Variants in CCSER1 observed in about 807,000 individuals in gnomAD.
The protein encoded by CCSER1 is serine-rich coiled-coil domain-containing protein 1.
A neutral mutation model predicts 82.0 loss-of-function variants in CCSER1; 41 were observed. The observed-to-expected ratio is 0.50, with a 90% CI of 0.39 to 0.65. The LOEUF (loss-of-function observed/expected upper bound fraction) is 0.65. Ranked by LOEUF, CCSER1 falls within the 30% of genes least tolerant of loss-of-function variation. The probability of loss-of-function intolerance (pLI) is 0.00; values close to 1 mark genes in which losing one functional copy is unlikely to be tolerated. For missense variants in CCSER1, 1,119 were observed against 1,064.2 expected (o/e 1.05, Z -0.72); for synonymous variants, 414 against 383.9 (o/e 1.08, Z -0.92).
At chr4:90,137,556 A>G (rs1264548335) in intron 1 of CCSER1, among the ~76,000 whole-genome samples, 1 of 152,192 alleles carries the variant, frequency 6.6e-6, no homozygotes, top group Non-Finnish European at 1.5e-5. Flanking sequence ...GGACGGTGAT[A>G]TAGAAAGTAC....
chr4:91,572,502 G>C (rs76063570), intron 10 of CCSER1, among the ~76,000 whole-genome samples: 10,537 of 152,200 alleles, frequency 0.069, 549 homozygotes, highest in South Asian at 0.16. Flanking sequence ...GGCTGGAACA[G>C]TGATGTCAGG....
chr4:91,234,852 A>T (rs1240194223), intron 10 of CCSER1, among the ~76,000 whole-genome samples: 1 of 152,088 alleles, frequency 6.6e-6, no homozygotes, highest in African/African-American at 2.4e-5. Flanking sequence ...TTTAGCACAC[A>T]TCTTTAGAAA....
intron 9 of CCSER1, among the ~76,000 whole-genome samples, chr4:91,032,117 T>C (rs1741035342): frequency 6.6e-6 from 1 of 152,098 alleles, no homozygotes; most frequent in Non-Finnish European, 1.5e-5. Flanking sequence ...AAAAATGTGC[T>C]TTTTTGCATA....
chr4:91,550,459 G>A (rs1050014385), intron 10 of CCSER1, among the ~76,000 whole-genome samples: 1 of 152,136 alleles, frequency 6.6e-6, no homozygotes, highest in Admixed American at 6.6e-5. Context: ...CTCTGTATCT[G>A]CCTATCTGTC....
At chr4:90,909,115 G>A (rs1266044644) in intron 8 of CCSER1, among the ~76,000 whole-genome samples, 2 of 123,220 alleles carry the variant, frequency 1.6e-5, no homozygotes, top group East Asian at 2.4e-4. Flanking sequence ...GCTTGTAGAT[G>A]GATCTACACT....
At chr4:90,278,338 G>C (rs1017596646) in intron 1 of CCSER1, among the ~76,000 whole-genome samples, 1 of 151,988 alleles carries the variant, frequency 6.6e-6, no homozygotes, top group African/African-American at 2.4e-5. Context: ...TATATACTTA[G>C]AGAAAAATAA....
chr4:90,724,131 T>A, intron 7 of CCSER1, 140 bp downstream of exon 7: 1 of 530,498 alleles, frequency 1.9e-6, no homozygotes, highest in Non-Finnish European at 3.4e-6. Context: ...ATCGTTTTTT[T>A]GTGTGTTCCA....
intron 5 of CCSER1, among the ~76,000 whole-genome samples, chr4:90,551,678 T>TTCTCTCTCTCTCTCTCTCTC (rs71596530): frequency 1.1e-4 from 10 of 88,566 alleles, no homozygotes; most frequent in African/African-American, 3.4e-4. Context: ...AAAAATATAA[T>TTCTCTCTCTCTCTCTCTCTC]TCTCTCTCTC....
rs547610964 is a variant in CCSER1 at position 90,194,552 on chromosome 4, C to G, written c.-42+66721C>G. On this transcript the variant is annotated intron_variant, in intron 1 of 10. Coordinates refer to ENST00000509176, the MANE Select transcript of CCSER1 (RefSeq NM_001145065.2). ...TTAATTATATTAGAACATTTAAAGT[C>G]TGAATATTGGAAAATAACTTTGTAC... Among the ~76,000 whole-genome samples the G allele has an allele frequency of 2.0e-4, 31 of 151,988 alleles. No homozygotes were observed. In the South Asian group the frequency reaches 6.4e-3, roughly 32 times the overall value.
intron 5 of CCSER1, among the ~76,000 whole-genome samples, chr4:90,481,018 T>C (rs1347762534): frequency 3.3e-5 from 5 of 152,230 alleles, no homozygotes; most frequent in African/African-American, 1.2e-4. Context: ...GAGTATGGAA[T>C]GTTCTTCCAT....
At chr4:91,535,075 A>C (rs943287167) in intron 10 of CCSER1, among the ~76,000 whole-genome samples, 6 of 151,956 alleles carry the variant, frequency 3.9e-5, no homozygotes, top group Admixed American at 2.6e-4. Flanking sequence ...TTAAGTGAAC[A>C]ATAAATATTT....
At chr4:91,439,167 G>A (rs1267149317) in intron 10 of CCSER1, among the ~76,000 whole-genome samples, 1 of 152,068 alleles carries the variant, frequency 6.6e-6, no homozygotes, top group Non-Finnish European at 1.5e-5. Flanking sequence ...GCAACTCCAA[G>A]ACACATAATT....
At chr4:90,411,834 C>T (rs1164984374) in intron 4 of CCSER1, among the ~76,000 whole-genome samples, 4 of 152,234 alleles carry the variant, frequency 2.6e-5, no homozygotes, top group Middle Eastern at 3.4e-3. Flanking sequence ...GTCAAATTGT[C>T]CCTGTTTGCA....
At chr4:90,649,273 T>C (rs1177131069) in intron 6 of CCSER1, among the ~76,000 whole-genome samples, 1 of 152,116 alleles carries the variant, frequency 6.6e-6, no homozygotes, top group African/African-American at 2.4e-5. Flanking sequence ...AATGGGAAGC[T>C]AAGAAGAGAG....
intron 8 of CCSER1, among the ~76,000 whole-genome samples, chr4:90,824,834 G>C (rs1179744401): frequency 6.6e-6 from 1 of 152,094 alleles, no homozygotes; most frequent in Non-Finnish European, 1.5e-5. Context: ...AAAAGTAATA[G>C]ATTAGGTATA....
intron 5 of CCSER1, among the ~76,000 whole-genome samples, chr4:90,520,640 AG>A: frequency 6.6e-6 from 1 of 152,352 alleles, no homozygotes; most frequent in Non-Finnish European, 1.5e-5. Flanking sequence ...TAACATTAAA[AG>A]AAAACCTTAC....
intron 5 of CCSER1, among the ~76,000 whole-genome samples, chr4:90,524,542 C>T (rs1773512472): frequency 6.6e-6 from 1 of 152,092 alleles, no homozygotes; most frequent in South Asian, 2.1e-4. Flanking sequence ...GATCTTGGCT[C>T]ACTGCAACCT....
chr4:91,303,053 TA>T (rs1469186731), intron 10 of CCSER1, among the ~76,000 whole-genome samples: 1 of 152,030 alleles, frequency 6.6e-6, no homozygotes, highest in Non-Finnish European at 1.5e-5. Flanking sequence ...TAAATAGCCA[TA>T]AATTTATCAA....
At chr4:90,185,048 G>A (rs1734364099) in intron 1 of CCSER1, among the ~76,000 whole-genome samples, 1 of 152,086 alleles carries the variant, frequency 6.6e-6, no homozygotes, top group Admixed American at 6.6e-5. Flanking sequence ...TAGCCCATGT[G>A]AGGACAGTAT....
Sources: gnomAD v4.1 joint callset for allele counts (sites outside exome capture counted in the v4.1 genomes callset) on GRCh38, gnomAD v4.1.1 for gene constraint, MANE v1.5 for transcripts, NCBI Gene and HGNC (gene_info 2026-07-23, HGNC 2026-07-21) for gene names.